The following CFAP299 variants were observed in gnomAD, a reference collection of about 807,000 sequenced individuals.
CFAP299 encodes cilia and flagella associated protein 299, also known as cilia- and flagella-associated protein 299.
Under a neutral mutation model 27.0 loss-of-function variants are expected in CFAP299, and 21 were observed. The observed-to-expected ratio is 0.78, with a 90% CI of 0.55 to 1.12. CFAP299 has a LOEUF of 1.12. Ranked by LOEUF, CFAP299 falls within the 50% of genes most tolerant of loss-of-function variation. CFAP299 has a pLI of 0.00. For missense variants in CFAP299, 310 were observed against 276.6 expected, an observed-to-expected ratio of 1.12 and a Z score of -0.86; for synonymous variants, 104 against 98.1, an observed-to-expected ratio of 1.06 and a Z score of -0.36.
At chr4:80,571,792 T>C (rs897974867) in intron 2 of CFAP299, among the ~76,000 whole-genome samples, 2 of 152,146 alleles carry the variant, frequency 1.3e-5, no homozygotes, top group African/African-American at 4.8e-5. Flanking sequence ...GGTAGCAATC[T>C]GAACGCCAGA....
chr4:80,382,540 CTT>C (rs1410498771), intron 2 of CFAP299, among the ~76,000 whole-genome samples: 1 of 152,138 alleles, frequency 6.6e-6, no homozygotes, highest in Non-Finnish European at 1.5e-5. Context: ...TGAACAGACA[CTT>C]TTCAAAAGAA....
At chr4:80,799,340 T>G (rs187647284) in intron 3 of CFAP299, among the ~76,000 whole-genome samples, 1,818 of 97,004 alleles carry the variant, frequency 0.019, 49 homozygotes, top group Non-Finnish European at 0.028. Context: ...ATAATATTTA[T>G]ATATATAAAT....
chr4:80,480,141 C>T (rs529654187), intron 2 of CFAP299, among the ~76,000 whole-genome samples: 1 of 151,788 alleles, frequency 6.6e-6, no homozygotes, highest in South Asian at 2.1e-4. Flanking sequence ...CAAAAATGCT[C>T]CTTATGGATA....
At chr4:80,735,596 T>A (rs1602803) in intron 3 of CFAP299, among the ~76,000 whole-genome samples, 35,916 of 152,026 alleles carry the variant, frequency 0.24, 5,720 homozygotes, top group African/African-American at 0.44. Flanking sequence ...TTTTATTATG[T>A]TATAATATGT....
At chr4:80,800,672 A>G (rs1345969090) in intron 3 of CFAP299, among the ~76,000 whole-genome samples, 1 of 113,050 alleles carries the variant, frequency 8.8e-6, no homozygotes, top group Non-Finnish European at 1.7e-5. Context: ...ATATTAATAT[A>G]AATATATGAT....
chr4:80,927,771 G>A (rs911496643), intron 4 of CFAP299, among the ~76,000 whole-genome samples: 4 of 151,952 alleles, frequency 2.6e-5, no homozygotes, highest in South Asian at 2.1e-4. Flanking sequence ...CTTCCTCTGC[G>A]GCTTTTAAGA....
chr4:80,638,964 C>T (rs1739588203), intron 3 of CFAP299, among the ~76,000 whole-genome samples: 1 of 152,118 alleles, frequency 6.6e-6, no homozygotes, highest in Non-Finnish European at 1.5e-5. Flanking sequence ...TTTCAGACTG[C>T]CACCTTCTTC....
intron 3 of CFAP299, among the ~76,000 whole-genome samples, chr4:80,601,740 A>C (rs182615546): frequency 6.6e-6 from 1 of 152,280 alleles, no homozygotes; most frequent in Non-Finnish European, 1.5e-5. Flanking sequence ...TCACGTTCTC[A>C]TTCATTTCCT....
chr4:80,888,339 T>C (rs1458284197), intron 4 of CFAP299, among the ~76,000 whole-genome samples: 1 of 152,128 alleles, frequency 6.6e-6, no homozygotes, highest in Non-Finnish European at 1.5e-5. Flanking sequence ...GGAGTAGTTA[T>C]ACTTATGTTG....
chr4:80,935,450 T>A (rs1018897157), intron 4 of CFAP299, among the ~76,000 whole-genome samples: 24 of 151,588 alleles, frequency 1.6e-4, no homozygotes, highest in Middle Eastern at 3.4e-3. Flanking sequence ...TGATTTTTTT[T>A]AAAAAAAGCA....
chr4:80,370,943 C>T (rs2969288), intron 2 of CFAP299, among the ~76,000 whole-genome samples: 13 of 152,268 alleles, frequency 8.5e-5, no homozygotes, highest in Non-Finnish European at 1.6e-4. Context: ...CCACATTTCC[C>T]TTCCTCACTG....
intron 3 of CFAP299, among the ~76,000 whole-genome samples, chr4:80,597,690 A>G (rs1309360134): frequency 1.3e-5 from 2 of 151,728 alleles, no homozygotes; most frequent in Non-Finnish European, 2.9e-5. Flanking sequence ...TTTACCTACA[A>G]TTACTTTTTT....
intron 2 of CFAP299, among the ~76,000 whole-genome samples, chr4:80,574,359 CT>C (rs1735742515): frequency 6.6e-6 from 1 of 152,198 alleles, no homozygotes; most frequent in South Asian, 2.1e-4. Flanking sequence ...TCAGTGGAGT[CT>C]TTAGGTCTTT....
upstream of CFAP299, among the ~76,000 whole-genome samples, chr4:80,331,500 A>T (rs1721938477): frequency 6.6e-6 from 1 of 152,340 alleles, no homozygotes; most frequent in South Asian, 2.1e-4. Context: ...ACTTTGGCTT[A>T]GGCAAGGAAC....
intron 2 of CFAP299, among the ~76,000 whole-genome samples, chr4:80,438,914 G>A (rs1381919581): frequency 6.6e-6 from 1 of 152,036 alleles, no homozygotes; most frequent in African/African-American, 2.4e-5. Flanking sequence ...TTGATTATTG[G>A]ATTTATATGT....
At chr4:80,619,002 G>A (rs1045926288) in intron 3 of CFAP299, among the ~76,000 whole-genome samples, 1 of 151,978 alleles carries the variant, frequency 6.6e-6, no homozygotes, top group Non-Finnish European at 1.5e-5. Context: ...ATTACTTAAG[G>A]GATCTTTGGC....
chr4:80,385,373 T>G (rs1325771441), intron 2 of CFAP299, among the ~76,000 whole-genome samples: 13 of 152,208 alleles, frequency 8.5e-5, no homozygotes, highest in Non-Finnish European at 1.3e-4. Context: ...TTTAAACATA[T>G]GGTTTTCTAG....
intron 2 of CFAP299, among the ~76,000 whole-genome samples, chr4:80,474,596 T>C (rs2110119819): frequency 6.6e-6 from 1 of 152,336 alleles, no homozygotes; most frequent in Non-Finnish European, 1.5e-5. Flanking sequence ...TATGATAGAA[T>C]GTGGAAGATG....
At chr4:80,803,722 TATA>T (rs1302943380) in intron 3 of CFAP299, among the ~76,000 whole-genome samples, 3 of 149,110 alleles carry the variant, frequency 2.0e-5, no homozygotes, top group African/African-American at 7.3e-5. Context: ...TATATTTTAA[TATA>T]ATGTATAATA....
Sources: gnomAD v4.1 joint callset for allele counts (sites outside exome capture counted in the v4.1 genomes callset) on GRCh38, gnomAD v4.1.1 for gene constraint, MANE v1.5 for transcripts, NCBI Gene and HGNC (gene_info 2026-07-23, HGNC 2026-07-21) for gene names.